ATAD3C: variants seen among roughly 807,000 people sequenced by gnomAD.
ATAD3C encodes the protein ATPase family AAA domain-containing protein 3C.
Under a neutral mutation model 46.3 loss-of-function variants are expected in ATAD3C, and 38 were observed. The ratio of observed to expected loss-of-function variants is 0.82; its 90% CI spans 0.63 to 1.08. The LOEUF (loss-of-function observed/expected upper bound fraction) is 1.08, where lower values mean the gene tolerates loss of function less well. ATAD3C is among the 50% of genes least tolerant of loss of function. The pLI is 0.00. For missense variants in ATAD3C, 563 were observed against 572.7 expected (o/e 0.98, Z 0.17); for synonymous variants, 220 against 236.4 (o/e 0.93, Z 0.63).
chr1:1,450,193 C>T lies in ATAD3C; in HGVS notation c.-491C>T, dbSNP rs1240588. On this transcript the variant is annotated 5_prime_UTR_variant, in exon 1 of 12. Coordinates refer to ENST00000378785, the MANE Select transcript of ATAD3C (RefSeq NM_001039211.3). Reference sequence around the variant, plus strand: ...TACAAAAATTAGCCGGGTGTGGTGGCGGTCGCCTGTAGTCCCAGCTACTCG... The same window carrying T: ...TACAAAAATTAGCCGGGTGTGGTGGTGGTCGCCTGTAGTCCCAGCTACTCG... The T allele has an allele frequency of 0.16, 25,359 of 153,916 alleles. 4,062 individuals are homozygous for T. Among genetic ancestry groups the T allele is most frequent in the East Asian group, 0.61 (3,125 of 5,146 alleles). The allele number at this position is 153,916 out of a possible 1,614,324, so 9.5% of individuals were successfully genotyped here.
intron 11 of ATAD3C, among the ~76,000 whole-genome samples, chr1:1,465,767 C>T (rs1236984545): frequency 6.6e-6 from 1 of 151,688 alleles, no homozygotes; most frequent in Non-Finnish European, 1.5e-5. Flanking sequence ...GGTGATTTTA[C>T]CTCTCCCTTT....
rs1227174977 is a variant in ATAD3C at position 1,452,082 on chromosome 1, T to C, written c.112T>C (p.Ser38Pro). Residue 38 changes from serine to proline, a missense_variant, in exon 2 of 12, where the codon TCC becomes CCC. Physicochemically the swap from Ser to Pro is moderately conservative, Grantham distance 74. Transcript: ENST00000378785. ...VNEDLRKQEE[S>P]VQKHHQTFLE... ...TGAGGATTTACGGAAGCAGGAGGAG[T>C]CCGTGCAGAAGCACCATCAGACCTT... 6.2e-7 allele frequency: 1 copy of C among 1,613,358 alleles called. No homozygotes were observed.
rs1435892849 is a variant in ATAD3C at position 1,459,049 on chromosome 1, A to C, written c.742-112A>C. The C allele has an allele frequency of 1.9e-6, 3 of 1,561,794 alleles. No individual in the cohort carries two copies. The highest frequency in any genetic ancestry group is 2.6e-6 in the Non-Finnish European group (3 of 1,153,452). ...CAGGCTTTTGAGTCTAGATCCGTGA[A>C]AGTGTCGCCATGTCCCTGCTCCCTG... On this transcript the variant is annotated intron_variant, in intron 8 of 11. Coordinates refer to ENST00000378785, the MANE Select transcript of ATAD3C (RefSeq NM_001039211.3). This position sits in a 1 kb window ranked among gnomAD's most constrained non-coding sequence, Gnocchi z 4.9.
Position 1,450,640 on chromosome 1 carries a change from G to A in ATAD3C, c.-44G>A, listed in dbSNP as rs770459339. The A allele has an allele frequency of 3.1e-5, 50 of 1,590,234 alleles. No individual in the cohort carries two copies. The highest frequency in any genetic ancestry group is 5.4e-5 in the Admixed American group (3 of 56,028). ...TGTGCGTGCCTGCCCAGCGGCATCCGTGTATCCTAACACCTGCCCTCCGTG... is the reference window on the plus strand; with the variant it reads ...TGTGCGTGCCTGCCCAGCGGCATCCATGTATCCTAACACCTGCCCTCCGTG... On this transcript the variant is annotated 5_prime_UTR_variant, in exon 1 of 12. In the 5' UTR this introduces an upstream ATG that the reference lacks. Coordinates refer to ENST00000378785, the MANE Select transcript of ATAD3C (RefSeq NM_001039211.3).
At position 1,457,153 on chromosome 1, in the gene ATAD3C, G is replaced by A. The variant is rs138212031; in HGVS notation, c.714G>A (p.Ala238=). 1.3e-3 allele frequency: 2,060 copies of A among 1,613,454 alleles called. 29 individuals are homozygous for A. The African/African-American group carries it at 0.021, about 16-fold the overall frequency. Residue 238 remains alanine (A), a synonymous_variant, in exon 8 of 12, where the codon GCG becomes GCA. Coordinates refer to ENST00000378785, the MANE Select transcript of ATAD3C (RefSeq NM_001039211.3). ...GCCTCCTGCTCTTTGTGGATGAAGC[G>A]GACGCCTTCCTTCGGAAGCGAGCCA... ...RRGLLLFVDE[A]DAFLRKRATE... is the part of the protein sequence containing the mutation.
chr1:1,457,116 C>T lies in ATAD3C; in HGVS notation c.690-13C>T, dbSNP rs759389829. On this transcript the variant is annotated splice_polypyrimidine_tract_variant and intron_variant, in intron 7 of 11. Transcript: ENST00000378785. ...ATCACTCTCACCCAGCTTGGCCTCC[C>T]TCTCGTCCACAGCCTCCTGCTCTTT... The T allele has an allele frequency of 6.2e-7, 1 of 1,613,436 alleles. No individual in the cohort carries two copies. Among genetic ancestry groups the T allele is most frequent in the Non-Finnish European group, 8.5e-7 (1 of 1,179,602 alleles).
In ATAD3C at chr1:1,465,216, T is replaced by C. The variant is rs1217890870; in HGVS notation, c.1089+2508T>C. On this transcript the variant is annotated intron_variant, in intron 11 of 11. Transcript: ENST00000378785. Reference sequence around the variant, plus strand: ...TTTTCACTGTGCAAGTCTTTCACCTTCTCGGTCAAGTGAATTTCAAAGTAT... The same window carrying C: ...TTTTCACTGTGCAAGTCTTTCACCTCCTCGGTCAAGTGAATTTCAAAGTAT... Among the ~76,000 whole-genome samples the C allele has an allele frequency of 2.6e-5, 4 of 151,970 alleles. 1 individual carries two copies. The Middle Eastern group carries it at 0.014, about 517-fold the overall frequency.
In ATAD3C at chr1:1,468,449, CTT is replaced by C; in HGVS notation, c.1157_1158del (p.Phe386CysfsTer88). On this transcript the variant is annotated frameshift_variant, in exon 12 of 12. Coordinates refer to ENST00000378785, the MANE Select transcript of ATAD3C (RefSeq NM_001039211.3). LOFTEE classifies it low-confidence loss of function (END_TRUNC). ...CCATGATGGACGCCTGCGTGCAAGACTTTGTCCAGCAGCACCAGCAGATGATG... is the reference window on the plus strand; with the variant it reads ...CCATGATGGACGCCTGCGTGCAAGACTGTCCAGCAGCACCAGCAGATGATG... Reference protein sequence around the residue: ...EAMMDACVQDFVQQHQQMMRW... With the variant: ...EAMMDACVQDXVQQHQQMMRW... 2 of 1,613,016 alleles carry C rather than the reference CTT, an allele frequency of 1.2e-6. No homozygotes were observed. The highest frequency in any genetic ancestry group is 1.7e-6 in the Non-Finnish European group (2 of 1,179,442).
intron 6 of ATAD3C, 102 bp downstream of exon 6, chr1:1,456,018 G>A: frequency 1.3e-6 from 2 of 1,565,600 alleles, no homozygotes; most frequent in Non-Finnish European, 1.7e-6. Context: ...ACCCCCCTTA[G>A]GCCTTTGCCC....
rs1639091374 is a variant in ATAD3C, at chr1:1,462,847, G to GGCCCCT, written c.1089+145_1089+150dup. On this transcript the variant is annotated intron_variant, in intron 11 of 11. Coordinates refer to ENST00000378785, the MANE Select transcript of ATAD3C (RefSeq NM_001039211.3). The surrounding 1 kb of genome is among the most constrained non-coding windows in gnomAD (Gnocchi z 4.5). Reference sequence around the variant, plus strand: ...TTTTCAGTGCACAGATGTGACACGGGGCCCCTGCCCCAGTTGGGCCACTCC... The same window carrying GGCCCCT: ...TTTTCAGTGCACAGATGTGACACGGGGCCCCTGCCCCTGCCCCAGTTGGGCCACTCC... The GGCCCCT allele has an allele frequency of 2.7e-6, 3 of 1,118,146 alleles. No individual in the cohort carries two copies. In the East Asian group the frequency reaches 8.1e-5, roughly 30 times the overall value. The allele number at this position is 1,118,146 out of a possible 1,614,324, so 69.3% of individuals were successfully genotyped here. A position where few individuals can be genotyped will look rare whatever the true frequency, so the allele number is the denominator to read the frequency against.
At chr1:1,453,197 A>G (rs934691887) in intron 3 of ATAD3C, among the ~76,000 whole-genome samples, 2 of 151,956 alleles carry the variant, frequency 1.3e-5, no homozygotes, top group South Asian at 2.1e-4. Flanking sequence ...TGCTTAATGC[A>G]CTGTTGACTT....
Position 1,452,389 on chromosome 1 carries a change from A to G in ATAD3C, c.177A>G (p.Glu59=), listed in dbSNP as rs567033403. Residue 59 remains glutamate, a synonymous_variant, in exon 3 of 12, where the codon GAA becomes GAG. Coordinates refer to ENST00000378785, the MANE Select transcript of ATAD3C (RefSeq NM_001039211.3). ...SIRAAGTLFG[E]GFRAFVTDRD... Reference sequence around the variant, plus strand: ...GGGCGGCTGGCACCTTGTTTGGGGAAGGATTCCGTGCCTTTGTGACAGACC... The same window carrying G: ...GGGCGGCTGGCACCTTGTTTGGGGAGGGATTCCGTGCCTTTGTGACAGACC... 6.9e-5 allele frequency: 112 copies of G among 1,613,660 alleles called. 2 individuals carry two copies. Among genetic ancestry groups the G allele is most frequent in the Non-Finnish European group, 8.7e-5 (103 of 1,179,752 alleles).
At chr1:1,463,762 A>T (rs563434340) in intron 11 of ATAD3C, among the ~76,000 whole-genome samples, 2 of 151,868 alleles carry the variant, frequency 1.3e-5, no homozygotes, top group East Asian at 1.9e-4. Flanking sequence ...AATAAAAAAA[A>T]TTAGCTAGAC....
intron 9 of ATAD3C, among the ~76,000 whole-genome samples, 158 bp from the exon 10 acceptor site, chr1:1,460,592 A>G (rs1200715918): frequency 6.6e-6 from 1 of 151,990 alleles, no homozygotes; most frequent in East Asian, 1.9e-4. Context: ...GCGGGTGACC[A>G]TGGCTGTGGC....
intron 4 of ATAD3C, 68 bp downstream of exon 4, chr1:1,454,568 C>G: frequency 1.9e-6 from 3 of 1,544,484 alleles, no homozygotes; most frequent in Non-Finnish European, 2.6e-6. Context: ...CCCACGAGCA[C>G]AGCCCACGCA....
intron 7 of ATAD3C, 97 bp from the exon 8 acceptor site, chr1:1,457,032 G>T: frequency 1.9e-6 from 3 of 1,542,078 alleles, no homozygotes; most frequent in Non-Finnish European, 2.7e-6. Context: ...ACCCCGTGGG[G>T]ATCTGCCTGC....
In ATAD3C at chr1:1,454,488, G is replaced by C; in HGVS notation, c.366G>C (p.Arg122=). 1 of 1,608,804 alleles carries C rather than the reference G, an allele frequency of 6.2e-7. No individual in the cohort carries two copies. The highest frequency in any genetic ancestry group is 8.5e-7 in the Non-Finnish European group (1 of 1,179,112). Reference sequence around the variant, plus strand: ...GCATCACGGTGCTTGAGGCGCTGCGGCACCCCATCCAGGTAGCGGCGCAGG... The same window carrying C: ...GCATCACGGTGCTTGAGGCGCTGCGCCACCCCATCCAGGTAGCGGCGCAGG... ...TSRITVLEAL[R]HPIQQVSRRL... The change falls in exon 4 of 12, where the codon CGG becomes CGC. Residue 122 remains arginine, a synonymous_variant. Coordinates refer to ENST00000378785, the MANE Select transcript of ATAD3C (RefSeq NM_001039211.3).
At position 1,456,987 on chromosome 1, in the gene ATAD3C, G is replaced by A. The variant is rs538834269; in HGVS notation, c.690-142G>A. On this transcript the variant is annotated intron_variant, in intron 7 of 11. Transcript: ENST00000378785. ...TCTGTCGGTGGATCAGCTTCTGTCAGGTCCAGGACTTAGGGCTCCGTGGGG... is the reference window on the plus strand; with the variant it reads ...TCTGTCGGTGGATCAGCTTCTGTCAAGTCCAGGACTTAGGGCTCCGTGGGG... 1.0e-4 allele frequency: 117 copies of A among 1,153,790 alleles called. No individual in the cohort carries two copies. In the African/African-American group the frequency reaches 1.4e-3, roughly 14 times the overall value. The allele number at this position is 1,153,790 out of a possible 1,614,324, so 71.5% of individuals were successfully genotyped here.
chr1:1,460,968 C>CACCCCTGCTCCTGTTCT, intron 10 of ATAD3C, 51 bp downstream of exon 10: 1 of 1,543,524 alleles, frequency 6.5e-7, no homozygotes. Context: ...GCTCAGGGTC[C>CACCCCTGCTCCTGTTCT]ACCCCTGCTC....
Sources: allele counts gnomAD v4.1 joint callset (sites outside exome capture counted in the v4.1 genomes callset), GRCh38; gene constraint gnomAD v4.1.1; non-coding constraint Gnocchi (gnomAD v3.1); transcripts MANE v1.5; gene names NCBI Gene and HGNC (gene_info 2026-07-23, HGNC 2026-07-21).